The following ZNF236 variants were observed in gnomAD, a reference collection of about 807,000 sequenced individuals.
ZNF236 encodes regulated by glucose.
A neutral mutation model predicts 191.2 loss-of-function variants in ZNF236; 50 were observed. That is an observed-to-expected ratio of 0.26 (90% CI 0.21 to 0.33). The LOEUF is 0.33. Among genes scored for constraint, ZNF236 ranks in the 10% least tolerant of loss-of-function variants. The pLI, the probability that ZNF236 is intolerant of heterozygous loss-of-function variation, is 1.00. For missense variants in ZNF236, 1,754 were observed against 2,374.5 expected (o/e 0.74, Z 5.43); for synonymous variants, 907 against 928.8 (o/e 0.98, Z 0.43).
At chr18:76,945,597 C>T (rs551329329) in intron 26 of ZNF236, among the ~76,000 whole-genome samples, 1 of 152,248 alleles carries the variant, frequency 6.6e-6, no homozygotes, top group South Asian at 2.1e-4. Flanking sequence ...ACTAGCCTGG[C>T]GAACATAGTG....
rs1195719415 is a variant in ZNF236, at chr18:76,972,413, T to C, written c.*4074T>C. On this transcript the variant is annotated 3_prime_UTR_variant, in exon 31 of 31. Coordinates refer to ENST00000320610, the MANE Select transcript of ZNF236 (RefSeq NM_001306089.2). ...AGACCCCCATGCACGGATGAGCACATAGCTCACCCTCACCCTCACACACTC... is the reference window on the plus strand; with the variant it reads ...AGACCCCCATGCACGGATGAGCACACAGCTCACCCTCACCCTCACACACTC... 6.6e-6 allele frequency among the ~76,000 whole-genome samples: 1 copy of C among 152,018 alleles called. No individual in the cohort carries two copies. Among genetic ancestry groups the C allele is most frequent in the Non-Finnish European group, 1.5e-5 (1 of 68,016 alleles).
intron 3 of ZNF236, among the ~76,000 whole-genome samples, chr18:76,856,143 G>GAC (rs1255822484): frequency 2.0e-5 from 3 of 151,178 alleles, no homozygotes; most frequent in Non-Finnish European, 4.4e-5. Flanking sequence ...CTGGTCTCAA[G>GAC]TAGTGGTTGG....
chr18:76,893,237 T>G (rs1977301869), intron 9 of ZNF236, among the ~76,000 whole-genome samples: 1 of 152,218 alleles, frequency 6.6e-6, no homozygotes, highest in South Asian at 2.1e-4. Flanking sequence ...TTTTATACCT[T>G]GCATTTTTGA....
chr18:76,870,416 G>A (rs1976548308), intron 4 of ZNF236, among the ~76,000 whole-genome samples: 1 of 152,172 alleles, frequency 6.6e-6, no homozygotes, highest in African/African-American at 2.4e-5. Flanking sequence ...TTGGAGGTTT[G>A]AAAGATGATT....
chr18:76,966,370 C>T (rs986938440), intron 30 of ZNF236, among the ~76,000 whole-genome samples: 11 of 152,146 alleles, frequency 7.2e-5, no homozygotes, highest in Admixed American at 7.2e-4. Context: ...GACACACACA[C>T]AGAATTTGAT....
chr18:76,866,821 C>T (rs984562241), intron 3 of ZNF236, among the ~76,000 whole-genome samples: 6 of 151,960 alleles, frequency 3.9e-5, no homozygotes, highest in African/African-American at 9.7e-5. Flanking sequence ...TGCCAGGGCG[C>T]GCAGGGGGAG....
intron 13 of ZNF236, 133 bp from the exon 14 acceptor site, chr18:76,908,187 C>A: frequency 8.2e-7 from 1 of 1,221,876 alleles, no homozygotes. Context: ...ACCTGAATTG[C>A]CATCATGACT....
intron 1 of ZNF236, among the ~76,000 whole-genome samples, chr18:76,833,191 G>A (rs1406531669): frequency 1.3e-5 from 2 of 151,800 alleles, no homozygotes; most frequent in Non-Finnish European, 2.9e-5. Context: ...TATCACTTTC[G>A]TTACTGTTTT....
At chr18:76,946,153 G>A (rs1968256046) in intron 26 of ZNF236, among the ~76,000 whole-genome samples, 1 of 152,184 alleles carries the variant, frequency 6.6e-6, no homozygotes, top group Admixed American at 6.5e-5. Flanking sequence ...CCTGGTGGGA[G>A]GTAATTCATT....
At chr18:76,843,803 A>AAAAAAAAAAAAACAAG (rs71172383) in intron 1 of ZNF236, among the ~76,000 whole-genome samples, 1 of 62,080 alleles carries the variant, frequency 1.6e-5, no homozygotes, top group Non-Finnish European at 2.8e-5. Flanking sequence ...AAAAAAAAAA[A>AAAAAAAAAAAAACAAG]AAGTAAAGAA....
intron 20 of ZNF236, 34 bp downstream of exon 20, chr18:76,920,092 C>A: frequency 6.3e-7 from 1 of 1,587,346 alleles, no homozygotes; most frequent in South Asian, 1.1e-5. Context: ...GGGTTCCGCT[C>A]TGAAGACTGG....
chr18:76,908,951 GTA>G (rs1459684049), intron 14 of ZNF236, among the ~76,000 whole-genome samples: 1 of 124,248 alleles, frequency 8.0e-6, no homozygotes, highest in Non-Finnish European at 1.7e-5. Flanking sequence ...GGGTGTGTGT[GTA>G]TGTGTGTGTC....
chr18:76,937,179 C>G lies in ZNF236; in HGVS notation c.4618C>G (p.Leu1540Val), dbSNP rs371773262. The G allele has an allele frequency of 6.2e-7, 1 of 1,614,008 alleles. No individual in the cohort carries two copies. The highest frequency in any genetic ancestry group is 2.2e-5 in the East Asian group (1 of 44,888). ...AGAACTTAACACTACAAGCGGAAGC[C>G]TTCCTTCAACAACACCGATGTCTCC... ...ISELNTTSGSLPSTTPMSPSA... is the reference protein window; with the variant it reads ...ISELNTTSGSVPSTTPMSPSA... The change falls in exon 26 of 31, where the codon CTT becomes GTT. Residue 1540 changes from leucine (L) to valine (V), a missense_variant. Physicochemically the swap from Leu to Val is conservative, Grantham distance 32 (BLOSUM62 1). Transcript: ENST00000320610.
chr18:76,967,420 G>A (rs372750466), intron 30 of ZNF236, among the ~76,000 whole-genome samples: 25 of 4,720 alleles, frequency 5.3e-3, no homozygotes, highest in East Asian at 0.039. Context: ...TGTGATCTGT[G>A]AGGTTTGTGA....
chr18:76,885,097 G>A (rs1977010128), intron 9 of ZNF236: 1 of 152,348 alleles, frequency 6.6e-6, no homozygotes, highest in South Asian at 2.1e-4. Flanking sequence ...TCCCGCCCTG[G>A]AAGAGTACCT....
At chr18:76,870,775 G>A (rs528558558) in intron 4 of ZNF236, among the ~76,000 whole-genome samples, 1 of 152,178 alleles carries the variant, frequency 6.6e-6, no homozygotes, top group African/African-American at 2.4e-5. Context: ...GAGTGTGTTG[G>A]TGGAAGCAGT....
intron 7 of ZNF236, 134 bp downstream of exon 7, chr18:76,878,286 T>TA: frequency 1.3e-6 from 1 of 741,170 alleles, no homozygotes; most frequent in African/African-American, 1.8e-5. Flanking sequence ...TGCTACTTTT[T>TA]AAAGAATTAA....
chr18:76,914,424 C>G (rs1212674937), intron 18 of ZNF236, among the ~76,000 whole-genome samples: 1 of 152,194 alleles, frequency 6.6e-6, no homozygotes, highest in Admixed American at 6.5e-5. Flanking sequence ...GCTCATTGCT[C>G]TACCTAGGAG....
chr18:76,929,663 AT>A (rs1382290088), intron 25 of ZNF236, among the ~76,000 whole-genome samples: 1 of 152,234 alleles, frequency 6.6e-6, no homozygotes, highest in African/African-American at 2.4e-5. Flanking sequence ...AAAACCTTAA[AT>A]GAGTTAATGA....
Sources: gnomAD v4.1 joint callset for allele counts (sites outside exome capture counted in the v4.1 genomes callset) on GRCh38, gnomAD v4.1.1 for gene constraint, MANE v1.5 for transcripts, NCBI Gene and HGNC (gene_info 2026-07-23, HGNC 2026-07-21) for gene names.